Variants in KANSL1 observed in about 807,000 individuals in gnomAD.
KANSL1 encodes KAT8 regulatory NSL complex subunit 1.
A neutral mutation model predicts 103.6 loss-of-function variants in KANSL1; 22 were observed. The ratio of observed to expected loss-of-function variants is 0.21; its 90% CI spans 0.15 to 0.30. The LOEUF (loss-of-function observed/expected upper bound fraction) is 0.30, where lower values mean the gene tolerates loss of function less well. Among genes scored for constraint, KANSL1 ranks in the 10% least tolerant of loss-of-function variants. The pLI is 1.00. For missense variants in KANSL1, 1,337 were observed against 1,399.8 expected, an observed-to-expected ratio of 0.96 and a Z score of 0.72; for synonymous variants, 600 against 527.6, an observed-to-expected ratio of 1.14 and a Z score of -1.88.
intron 1 of KANSL1, among the ~76,000 whole-genome samples, chr17:46,178,027 T>C (rs2046609959): frequency 6.6e-6 from 1 of 152,196 alleles, no homozygotes. Context: ...TCTGCCCACC[T>C]TGGCCTCCCA....
At chr17:46,183,163 G>A (rs1323236154) in intron 1 of KANSL1, among the ~76,000 whole-genome samples, 1 of 152,228 alleles carries the variant, frequency 6.6e-6, no homozygotes, top group Non-Finnish European at 1.5e-5. Context: ...TGCAGTGGCA[G>A]GCGCCTGTAT....
At chr17:46,186,205 C>T (rs1373758513) in intron 1 of KANSL1, among the ~76,000 whole-genome samples, 1 of 148,470 alleles carries the variant, frequency 6.7e-6, no homozygotes, top group African/African-American at 2.5e-5. Context: ...GAAACCCCGT[C>T]TCTACTAAAA....
chr17:46,081,981 A>T (rs1474230522), intron 4 of KANSL1, among the ~76,000 whole-genome samples: 3 of 152,254 alleles, frequency 2.0e-5, no homozygotes, highest in Admixed American at 6.5e-5. Context: ...ATACAGAAGG[A>T]AACAGAAAAT....
At chr17:46,105,609 C>G (rs1483607802) in intron 2 of KANSL1, among the ~76,000 whole-genome samples, 1 of 134,556 alleles carries the variant, frequency 7.4e-6, no homozygotes, top group Admixed American at 7.8e-5. Flanking sequence ...GAGTGAAACC[C>G]TGTCTCAAAA....
chr17:46,189,385 A>G (rs2047199671), intron 1 of KANSL1, among the ~76,000 whole-genome samples: 2 of 152,186 alleles, frequency 1.3e-5, no homozygotes, highest in African/African-American at 4.8e-5. Context: ...GAGGGACAAT[A>G]AAACTATATA....
In KANSL1 at chr17:46,104,014, T is replaced by C. The variant is rs991999863; in HGVS notation, c.1290-9313A>G. Among the ~76,000 whole-genome samples the C allele has an allele frequency of 3.3e-5, 5 of 152,080 alleles. 1 individual carries two copies. Among genetic ancestry groups the C allele is most frequent in the Admixed American group, 2.6e-4 (4 of 15,266 alleles). On this transcript the variant is annotated intron_variant, in intron 2 of 14. Transcript: ENST00000432791. ...CTGCACTCTAGCCTGGGCGACAGAG[T>C]GAGACTCTGTCTCAAAAATAAACAA...
intron 1 of KANSL1, among the ~76,000 whole-genome samples, chr17:46,186,427 G>A (rs925308003): frequency 1.3e-5 from 2 of 151,040 alleles, no homozygotes; most frequent in Non-Finnish European, 2.9e-5. Flanking sequence ...GTTATTCTGG[G>A]AGGGTCCATG....
At chr17:46,083,819 C>T (rs889227497) in intron 3 of KANSL1, among the ~76,000 whole-genome samples, 3 of 152,064 alleles carry the variant, frequency 2.0e-5, no homozygotes, top group Non-Finnish European at 2.9e-5. Flanking sequence ...ATTTGGGGGA[C>T]TAGGGATTGT....
chr17:46,217,719 T>C (rs1252989226), intron 1 of KANSL1, among the ~76,000 whole-genome samples: 36 of 152,056 alleles, frequency 2.4e-4, no homozygotes, highest in Middle Eastern at 3.4e-3. Flanking sequence ...TGCAGCCCTG[T>C]CTCTACAAAA....
intron 2 of KANSL1, among the ~76,000 whole-genome samples, chr17:46,123,254 G>T (rs187479608): frequency 3.2e-4 from 49 of 152,272 alleles, no homozygotes; most frequent in African/African-American, 1.2e-3. Context: ...TTGCGCACTT[G>T]TAGTCCCAGC....
In KANSL1 at chr17:46,034,276, C is replaced by T; in HGVS notation, c.2551G>A (p.Val851Ile). ...QVTASTSQQP[V>I]RRRRGESSFD... Reference sequence around the variant, plus strand: ...GAGCTCTCTCCCCTTCTCCTCCTTACTGGCTGCTGCTGTAAGATAAAAATT... The same window carrying T: ...GAGCTCTCTCCCCTTCTCCTCCTTATTGGCTGCTGCTGTAAGATAAAAATT... Residue 851 changes from valine to isoleucine, a missense_variant, in exon 11 of 15, where the codon GTA (valine) becomes ATA (isoleucine). Transcript: ENST00000432791. 2 of 1,613,560 alleles carry T rather than the reference C, an allele frequency of 1.2e-6. No individual in the cohort carries two copies. The highest frequency in any genetic ancestry group is 1.7e-6 in the Non-Finnish European group (2 of 1,179,850).
chr17:46,218,377 C>T (rs1406268010), intron 1 of KANSL1, among the ~76,000 whole-genome samples: 8 of 152,360 alleles, frequency 5.3e-5, no homozygotes, highest in Middle Eastern at 3.4e-3. Flanking sequence ...TATCATTATA[C>T]CCTTTTTACA....
intron 1 of KANSL1, among the ~76,000 whole-genome samples, chr17:46,188,475 G>A (rs1225947530): frequency 1.3e-5 from 2 of 152,198 alleles, no homozygotes; most frequent in African/African-American, 2.4e-5. Flanking sequence ...TCTTAAAACA[G>A]ACTTCCAAGA....
At position 46,189,416 on chromosome 17, in the gene KANSL1, C is replaced by T. The variant is rs142118803; in HGVS notation, c.-90+3407G>A. On this transcript the variant is annotated intron_variant, in intron 1 of 14. Coordinates refer to ENST00000432791, the MANE Select transcript of KANSL1 (RefSeq NM_015443.4). The stretch of plus-strand genomic sequence containing the variant: ...ATATACATCTATCTAGCAAGAAAGT[C>T]GCTTATTTCTGTGTCTTAATGGACT... 1.7e-4 allele frequency among the ~76,000 whole-genome samples: 26 copies of T among 152,082 alleles called. No homozygotes were observed. The East Asian group carries it at 4.8e-3, about 28-fold the overall frequency.
chr17:46,126,006 CAA>C (rs1246751694), intron 2 of KANSL1, among the ~76,000 whole-genome samples: 1 of 152,178 alleles, frequency 6.6e-6, no homozygotes, highest in Non-Finnish European at 1.5e-5. Context: ...GCAATCTGGA[CAA>C]AGTCACACAG....
intron 2 of KANSL1, among the ~76,000 whole-genome samples, chr17:46,126,527 C>T (rs1020978761): frequency 1.3e-5 from 2 of 152,140 alleles, no homozygotes; most frequent in South Asian, 4.1e-4. Flanking sequence ...ATATTGGGTT[C>T]TGGATAATAT....
chr17:46,127,497 C>A (rs567573082), intron 2 of KANSL1, among the ~76,000 whole-genome samples: 1 of 152,316 alleles, frequency 6.6e-6, no homozygotes, highest in East Asian at 1.9e-4. Flanking sequence ...GTTTTATGGG[C>A]GTGGTGGCTC....
intron 4 of KANSL1, among the ~76,000 whole-genome samples, chr17:46,069,721 G>A (rs923950822): frequency 1.3e-5 from 2 of 151,966 alleles, no homozygotes; most frequent in Admixed American, 6.6e-5. Flanking sequence ...TGCAGCCTGG[G>A]AAAGAGAGAG....
chr17:46,077,642 C>T (rs1166363416), intron 4 of KANSL1, among the ~76,000 whole-genome samples: 1 of 152,180 alleles, frequency 6.6e-6, no homozygotes, highest in Non-Finnish European at 1.5e-5. Flanking sequence ...ACTGCAACCT[C>T]TGTCTCCTGA....
Sources: gnomAD v4.1 joint callset for allele counts (sites outside exome capture counted in the v4.1 genomes callset) on GRCh38, gnomAD v4.1.1 for gene constraint, MANE v1.5 for transcripts, NCBI Gene and HGNC (gene_info 2026-07-23, HGNC 2026-07-21) for gene names.